The following PRKCH variants were observed in gnomAD, a reference collection of about 807,000 sequenced individuals.
PRKCH encodes protein kinase C eta.
In PRKCH, 28 loss-of-function variants were observed where a neutral mutation model predicts 82.5. The ratio of observed to expected loss-of-function variants is 0.34; its 90% CI spans 0.25 to 0.47. The LOEUF (loss-of-function observed/expected upper bound fraction) is 0.47. Ranked by LOEUF, PRKCH falls within the 20% of genes least tolerant of loss-of-function variation. The pLI is 1.00. For missense variants in PRKCH, 705 were observed against 881.8 expected, an observed-to-expected ratio of 0.80 and a Z score of 2.54; for synonymous variants, 322 against 327.4, an observed-to-expected ratio of 0.98 and a Z score of 0.18.
At chr14:61,474,395 C>G (rs1409895604) in intron 9 of PRKCH, among the ~76,000 whole-genome samples, 1 of 152,188 alleles carries the variant, frequency 6.6e-6, no homozygotes, top group Non-Finnish European at 1.5e-5. Context: ...GCCTCCATAC[C>G]TTTAGAGTAA....
chr14:61,504,686 G>A (rs767069328), intron 10 of PRKCH, among the ~76,000 whole-genome samples: 4 of 152,166 alleles, frequency 2.6e-5, no homozygotes, highest in Admixed American at 1.3e-4. Flanking sequence ...TCAGAAATAG[G>A]AAATTTAGTA....
At chr14:61,517,699 A>AG (rs1227652585) in intron 10 of PRKCH, among the ~76,000 whole-genome samples, 1 of 152,252 alleles carries the variant, frequency 6.6e-6, no homozygotes, top group Non-Finnish European at 1.5e-5. Context: ...ACATAAAGCT[A>AG]GCAGGACCCA....
intron 9 of PRKCH, among the ~76,000 whole-genome samples, chr14:61,462,853 T>C (rs1414193491): frequency 6.6e-6 from 1 of 152,218 alleles, no homozygotes; most frequent in Non-Finnish European, 1.5e-5. Context: ...GTGGAATCAG[T>C]CTCTCTGAAG....
chr14:61,259,581 A>C (rs1293717763), intron 1 of PRKCH, among the ~76,000 whole-genome samples: 1 of 152,220 alleles, frequency 6.6e-6, no homozygotes, highest in African/African-American at 2.4e-5. Context: ...ACCTAGGAAC[A>C]AGCATTTTAA....
At chr14:61,285,809 A>G (rs962333324) in intron 1 of PRKCH, among the ~76,000 whole-genome samples, 2 of 152,144 alleles carry the variant, frequency 1.3e-5, no homozygotes, top group Non-Finnish European at 2.9e-5. Context: ...TGTTTCTTCA[A>G]CCATGCTACA....
chr14:61,401,942 A>G (rs1262172872), intron 2 of PRKCH, among the ~76,000 whole-genome samples: 1 of 152,268 alleles, frequency 6.6e-6, no homozygotes, highest in African/African-American at 2.4e-5. Context: ...TTGTCTAAAA[A>G]ACGAATGAAC....
intron 1 of PRKCH, among the ~76,000 whole-genome samples, chr14:61,370,385 C>T (rs1410916590): frequency 6.6e-6 from 1 of 152,054 alleles, no homozygotes; most frequent in Non-Finnish European, 1.5e-5. Context: ...CTGGAGTCAC[C>T]TGGAGTTTGT....
At chr14:61,246,112 A>T (rs766545925) in intron 1 of PRKCH, among the ~76,000 whole-genome samples, 29 of 152,106 alleles carry the variant, frequency 1.9e-4, no homozygotes, top group Non-Finnish European at 4.0e-4. Flanking sequence ...TTTGCAATAA[A>T]AGAATTTTCT....
intron 1 of PRKCH, among the ~76,000 whole-genome samples, chr14:61,336,160 A>G (rs1283171680): frequency 6.6e-6 from 1 of 152,234 alleles, no homozygotes. Context: ...TTCAATATGA[A>G]GTGATGGGCC....
At chr14:61,274,017 T>C (rs1368657441) in intron 1 of PRKCH, among the ~76,000 whole-genome samples, 1 of 152,192 alleles carries the variant, frequency 6.6e-6, no homozygotes, top group Non-Finnish European at 1.5e-5. Context: ...TGGAGATAGA[T>C]AAATGAATAA....
At chr14:61,493,032 G>A (rs17098549) in intron 10 of PRKCH, among the ~76,000 whole-genome samples, 3,345 of 152,328 alleles carry the variant, frequency 0.022, 107 homozygotes, top group African/African-American at 0.074. Flanking sequence ...ACTGGAGCCT[G>A]AAGTTGGAGG....
At chr14:61,304,717 G>T (rs993089421) in intron 1 of PRKCH, 1 of 151,928 alleles carries the variant, frequency 6.6e-6, no homozygotes, top group Non-Finnish European at 1.5e-5. Flanking sequence ...CTAGCTAATT[G>T]GGAGGCTGAG....
chr14:61,482,662 T>G (rs1386197396), intron 9 of PRKCH, among the ~76,000 whole-genome samples: 1 of 152,140 alleles, frequency 6.6e-6, no homozygotes, highest in African/African-American at 2.4e-5. Context: ...GACAGGAGGT[T>G]AGAAATGAGA....
intron 10 of PRKCH, among the ~76,000 whole-genome samples, chr14:61,500,739 A>T (rs1374713687): frequency 1.3e-5 from 2 of 152,144 alleles, no homozygotes; most frequent in Non-Finnish European, 2.9e-5. Context: ...GCAAAGGTGG[A>T]TATTTTCCTC....
At chr14:61,548,657 T>G (rs2043289589) in intron 13 of PRKCH, among the ~76,000 whole-genome samples, 1 of 151,422 alleles carries the variant, frequency 6.6e-6, no homozygotes, top group African/African-American at 2.4e-5. Context: ...GTCAGGAGTT[T>G]GAGACTAGCC....
chr14:61,359,018 G>A (rs140102231), intron 1 of PRKCH, among the ~76,000 whole-genome samples: 6 of 152,250 alleles, frequency 3.9e-5, no homozygotes, highest in Non-Finnish European at 8.8e-5. Context: ...CACTTACCAC[G>A]TTGGATCATA....
intron 1 of PRKCH, among the ~76,000 whole-genome samples, chr14:61,296,778 T>TAC (rs2045409849): frequency 1.3e-5 from 2 of 152,236 alleles, no homozygotes; most frequent in Non-Finnish European, 2.9e-5. Context: ...TCTGTGGGAA[T>TAC]AGTGTATACG....
intron 9 of PRKCH, among the ~76,000 whole-genome samples, chr14:61,479,410 G>A (rs1885868332): frequency 1.3e-5 from 2 of 152,132 alleles, no homozygotes; most frequent in Admixed American, 1.3e-4. Context: ...CCAGGCTGGA[G>A]CATGGGTAAA....
chr14:61,497,855 T>C (rs1264982441), intron 10 of PRKCH, among the ~76,000 whole-genome samples: 1 of 152,178 alleles, frequency 6.6e-6, no homozygotes, highest in Non-Finnish European at 1.5e-5. Context: ...TCAGTCAGTT[T>C]TACTCTCTGT....
Sources: gnomAD v4.1 joint callset for allele counts (sites outside exome capture counted in the v4.1 genomes callset) on GRCh38, gnomAD v4.1.1 for gene constraint, MANE v1.5 for transcripts, NCBI Gene and HGNC (gene_info 2026-07-23, HGNC 2026-07-21) for gene names.